Variants in DCC observed in about 807,000 individuals in gnomAD.
DCC encodes the protein DCC netrin 1 receptor.
Under a neutral mutation model 172.5 loss-of-function variants are expected in DCC, and 58 were observed. That is an observed-to-expected ratio of 0.34 (90% CI 0.27 to 0.42). The LOEUF (loss-of-function observed/expected upper bound fraction) is 0.42. Ranked by LOEUF, DCC falls within the 10% of genes least tolerant of loss-of-function variation. DCC has a pLI of 1.00. For synonymous variants in DCC, 709 were observed against 644.5 expected, an observed-to-expected ratio of 1.10 and a Z score of -1.52; for missense variants, 1,740 against 1,791.0, an observed-to-expected ratio of 0.97 and a Z score of 0.51.
At chr18:53,061,040 ATGTAT>A (rs1418859814) in intron 5 of DCC, among the ~76,000 whole-genome samples, 22 of 152,128 alleles carry the variant, frequency 1.4e-4, no homozygotes, top group Admixed American at 9.8e-4. Context: ...GCTACCAGTG[ATGTAT>A]TGTAATATAT....
chr18:53,478,808 A>C (rs1294108005), intron 25 of DCC, among the ~76,000 whole-genome samples: 2 of 152,222 alleles, frequency 1.3e-5, no homozygotes, highest in Non-Finnish European at 2.9e-5. Flanking sequence ...ATAAAGCTAC[A>C]TGAGAAAGGG....
At chr18:52,507,483 G>C (rs1046036841) in intron 1 of DCC, among the ~76,000 whole-genome samples, 1 of 152,188 alleles carries the variant, frequency 6.6e-6, no homozygotes, top group Non-Finnish European at 1.5e-5. Flanking sequence ...AACTAAATCA[G>C]AGATAGTCCT....
At chr18:53,037,214 T>G (rs925056928) in intron 5 of DCC, among the ~76,000 whole-genome samples, 3 of 152,016 alleles carry the variant, frequency 2.0e-5, no homozygotes, top group Non-Finnish European at 4.4e-5. Flanking sequence ...CGTTTCTTTG[T>G]GTTCTAATTT....
At chr18:52,610,814 ATCT>A (rs1486878925) in intron 1 of DCC, among the ~76,000 whole-genome samples, 1 of 151,700 alleles carries the variant, frequency 6.6e-6, no homozygotes, top group Non-Finnish European at 1.5e-5. Flanking sequence ...AAGTTACAAA[ATCT>A]TCTTTTGATT....
At chr18:52,965,331 A>G (rs930233618) in intron 5 of DCC, among the ~76,000 whole-genome samples, 33 of 152,268 alleles carry the variant, frequency 2.2e-4, no homozygotes, top group African/African-American at 7.7e-4. Flanking sequence ...GCTAGAAAGG[A>G]CATGCTTGAT....
Position 53,000,807 on chromosome 18 carries a change from G to T in DCC, c.986-62498G>T, listed in dbSNP as rs574841676. ...GATGATTTTTCAAGGTGGTAGTTAA[G>T]CACAACCGGTATTAAAATTAAATTA... On this transcript the variant is annotated intron_variant, in intron 5 of 28. Transcript: ENST00000442544. 4.6e-5 allele frequency among the ~76,000 whole-genome samples: 7 copies of T among 151,876 alleles called. No individual in the cohort carries two copies. In the South Asian group the frequency reaches 1.5e-3, roughly 32 times the overall value.
intron 2 of DCC, among the ~76,000 whole-genome samples, chr18:52,833,018 C>T (rs576364122): frequency 1.3e-5 from 2 of 152,136 alleles, no homozygotes; most frequent in South Asian, 4.2e-4. Flanking sequence ...AATATATAAC[C>T]TCTTGTTTAA....
chr18:52,916,402 G>A (rs2040041667), intron 3 of DCC, among the ~76,000 whole-genome samples: 1 of 152,152 alleles, frequency 6.6e-6, no homozygotes, highest in Non-Finnish European at 1.5e-5. Flanking sequence ...TGCAAAACAT[G>A]TATCTGCCAC....
At chr18:52,848,286 C>T (rs1474833979) in intron 2 of DCC, among the ~76,000 whole-genome samples, 1 of 151,958 alleles carries the variant, frequency 6.6e-6, no homozygotes. Flanking sequence ...GGGGTTTTGC[C>T]ATGTTGGCCA....
At chr18:53,384,295 C>T (rs187653354) in intron 15 of DCC, among the ~76,000 whole-genome samples, 1 of 152,176 alleles carries the variant, frequency 6.6e-6, no homozygotes, top group Non-Finnish European at 1.5e-5. Flanking sequence ...ATTTCTTCTG[C>T]CGTAAAATGT....
intron 2 of DCC, among the ~76,000 whole-genome samples, chr18:52,803,178 G>A (rs957702906): frequency 6.6e-6 from 1 of 152,116 alleles, no homozygotes; most frequent in Non-Finnish European, 1.5e-5. Flanking sequence ...CTTCGTATGG[G>A]TCCCATGGTG....
chr18:52,506,333 A>G (rs1284811454), intron 1 of DCC, among the ~76,000 whole-genome samples: 1 of 152,144 alleles, frequency 6.6e-6, no homozygotes, highest in African/African-American at 2.4e-5. Context: ...TTTATAATCT[A>G]TTAGATTTTT....
At chr18:52,849,127 A>T (rs1271962441) in intron 2 of DCC, among the ~76,000 whole-genome samples, 1 of 152,026 alleles carries the variant, frequency 6.6e-6, no homozygotes, top group Admixed American at 6.6e-5. Flanking sequence ...TCTAGGAGGT[A>T]TGTAAACAGA....
At chr18:52,851,437 A>T in intron 2 of DCC, among the ~76,000 whole-genome samples, 1 of 152,060 alleles carries the variant, frequency 6.6e-6, no homozygotes, top group Middle Eastern at 3.2e-3. Context: ...TCACATGAAA[A>T]CTGCAATAAA....
chr18:53,529,009 C>G lies in DCC; in HGVS notation c.4255-1555C>G, dbSNP rs2046490504. Among the ~76,000 whole-genome samples the G allele has an allele frequency of 5.0e-5, 5 of 100,440 alleles. No homozygotes were observed. In the Admixed American group the frequency reaches 5.2e-4, roughly 11 times the overall value. 65.9% of individuals were successfully genotyped at this position (100,440 alleles called of 152,430 possible). On this transcript the variant is annotated intron_variant, in intron 28 of 28. Transcript: ENST00000442544. ...GTAATCCCCTCACTTCAACTTCTCT[C>G]TCTCTCTCTCTCTCTCTCTCTCTCT...
chr18:53,091,781 T>A (rs2043012255), intron 7 of DCC, among the ~76,000 whole-genome samples: 1 of 152,018 alleles, frequency 6.6e-6, no homozygotes, highest in African/African-American at 2.4e-5. Flanking sequence ...ATATGAATGT[T>A]ACGTTCAGTC....
At chr18:53,505,605 A>C (rs1322247056) in intron 27 of DCC, among the ~76,000 whole-genome samples, 1 of 152,232 alleles carries the variant, frequency 6.6e-6, no homozygotes, top group African/African-American at 2.4e-5. Flanking sequence ...GAAGTTAACT[A>C]TATCAACCTA....
At chr18:53,296,396 G>A (rs977869255) in intron 12 of DCC, among the ~76,000 whole-genome samples, 4 of 152,104 alleles carry the variant, frequency 2.6e-5, no homozygotes, top group East Asian at 3.9e-4. Context: ...ACTTTCACAC[G>A]TTCTCATTGT....
chr18:52,682,226 C>T (rs2035760460), intron 1 of DCC, among the ~76,000 whole-genome samples: 1 of 151,994 alleles, frequency 6.6e-6, no homozygotes, highest in Admixed American at 6.6e-5. Context: ...AATAGAAAAA[C>T]ACATTACCTA....
Sources: allele counts gnomAD v4.1 joint callset (sites outside exome capture counted in the v4.1 genomes callset), GRCh38; gene constraint gnomAD v4.1.1; transcripts MANE v1.5; gene names NCBI Gene and HGNC (gene_info 2026-07-23, HGNC 2026-07-21).